Variants in CNTNAP2 observed in about 807,000 individuals in gnomAD.
CNTNAP2 encodes the protein contactin associated protein 2.
Under a neutral mutation model 155.2 loss-of-function variants are expected in CNTNAP2, and 98 were observed. The ratio of observed to expected loss-of-function variants is 0.63; its 90% CI spans 0.54 to 0.75. The LOEUF is 0.75. Ranked by LOEUF, CNTNAP2 falls within the 30% of genes least tolerant of loss-of-function variation. The pLI, the probability that CNTNAP2 is intolerant of heterozygous loss-of-function variation, is 0.00. For missense variants in CNTNAP2, 1,727 were observed against 1,688.1 expected (o/e 1.02, Z -0.40); for synonymous variants, 651 against 631.2 (o/e 1.03, Z -0.47).
chr7:147,838,970 AC>A (rs1356709763), intron 13 of CNTNAP2, among the ~76,000 whole-genome samples: 1 of 152,180 alleles, frequency 6.6e-6, no homozygotes, highest in Non-Finnish European at 1.5e-5. Flanking sequence ...GTATTGACTC[AC>A]ATGATCATAA....
In CNTNAP2 at chr7:146,597,849, A is replaced by T. The variant is rs192927941; in HGVS notation, c.98-176422A>T. On this transcript the variant is annotated intron_variant, in intron 1 of 23. Coordinates refer to ENST00000361727, the MANE Select transcript of CNTNAP2 (RefSeq NM_014141.6). ...ATTAAACTATGAAATAGCATCTCAC[A>T]AAATTGCTAAAATTATAACAATCAG... Among the ~76,000 whole-genome samples, 41 of 152,286 alleles carry T rather than the reference A, an allele frequency of 2.7e-4. No individual in the cohort carries two copies. In the East Asian group the frequency reaches 5.8e-3, roughly 21 times the overall value.
chr7:146,451,694 GGACAA>G (rs1284718138), intron 1 of CNTNAP2, among the ~76,000 whole-genome samples: 1 of 151,128 alleles, frequency 6.6e-6, no homozygotes, highest in Non-Finnish European at 1.5e-5. Flanking sequence ...ATATTCTACT[GGACAA>G]GTTTTCAAAC....
rs568160252 is a variant in CNTNAP2, at chr7:147,853,039, C to T, written c.2099-50526C>T. ...ATTTAAATTCTCCAGGAAGAAAGGG[C>T]TTGTCAATAAAGTGTCTTTTTAAGT... On this transcript the variant is annotated intron_variant, in intron 13 of 23. Transcript: ENST00000361727. Among the ~76,000 whole-genome samples the T allele has an allele frequency of 5.3e-5, 8 of 152,288 alleles. No homozygotes were observed. The South Asian group carries it at 1.5e-3, about 28-fold the overall frequency.
chr7:147,556,533 A>G (rs991272711), intron 11 of CNTNAP2, among the ~76,000 whole-genome samples: 2 of 152,172 alleles, frequency 1.3e-5, no homozygotes, highest in East Asian at 3.9e-4. Flanking sequence ...TAAAATAGTC[A>G]GAGAAAGAGA....
At chr7:147,155,585 A>G (rs903898) in intron 8 of CNTNAP2, among the ~76,000 whole-genome samples, 23 of 152,052 alleles carry the variant, frequency 1.5e-4, no homozygotes, top group South Asian at 6.2e-4. Context: ...TTTAATGCCC[A>G]ATATAAATGG....
intron 11 of CNTNAP2, among the ~76,000 whole-genome samples, chr7:147,486,889 C>CCGTGTGTGTGTGTGTGTGTGTGTG (rs71527815): frequency 6.1e-5 from 9 of 146,842 alleles, no homozygotes; most frequent in Non-Finnish European, 1.2e-4. Context: ...ACGTATGTGC[C>CCGTGTGTGTGTGTGTGTGTGTGTG]TGTGTGTGTG....
At chr7:148,387,726 C>A (rs2116668985) in intron 22 of CNTNAP2, among the ~76,000 whole-genome samples, 1 of 148,616 alleles carries the variant, frequency 6.7e-6, no homozygotes, top group African/African-American at 2.4e-5. Context: ...TTAAAACTAC[C>A]TGGGGAGCTT....
rs139452855 is a variant in CNTNAP2 at position 147,644,679 on chromosome 7, G to A, written c.2098+5373G>A. Among the ~76,000 whole-genome samples, 14 of 152,168 alleles carry A rather than the reference G, an allele frequency of 9.2e-5. 1 individual carries two copies. The East Asian group carries it at 2.5e-3, about 27-fold the overall frequency. ...ATTAGATAAATCAAGCACTGAGGGAGTTCCCTTAGAGCCTACTTGAGTAGT... is the reference window on the plus strand; with the variant it reads ...ATTAGATAAATCAAGCACTGAGGGAATTCCCTTAGAGCCTACTTGAGTAGT... On this transcript the variant is annotated intron_variant, in intron 13 of 23. Transcript: ENST00000361727.
intron 16 of CNTNAP2, among the ~76,000 whole-genome samples, chr7:148,124,210 C>T (rs1404851624): frequency 1.3e-5 from 2 of 152,258 alleles, no homozygotes; most frequent in African/African-American, 2.4e-5. Context: ...AAGAGAACAG[C>T]GTAAACCGCC....
intron 9 of CNTNAP2, among the ~76,000 whole-genome samples, chr7:147,305,882 T>C (rs1347222805): frequency 6.6e-6 from 1 of 152,190 alleles, no homozygotes; most frequent in East Asian, 1.9e-4. Context: ...TCAACTCCTC[T>C]GGCTTCTGGT....
At chr7:147,824,576 G>T (rs1798416418) in intron 13 of CNTNAP2, among the ~76,000 whole-genome samples, 1 of 152,042 alleles carries the variant, frequency 6.6e-6, no homozygotes, top group Non-Finnish European at 1.5e-5. Context: ...TCGCCAATAT[G>T]AGTATCAAAA....
intron 13 of CNTNAP2, among the ~76,000 whole-genome samples, chr7:147,641,561 T>C (rs553277937): frequency 4.6e-5 from 7 of 152,226 alleles, no homozygotes; most frequent in Middle Eastern, 3.2e-3. Flanking sequence ...GACTGAATTA[T>C]GTTCCCCCAA....
At chr7:148,412,334 A>T (rs986582) in intron 23 of CNTNAP2, among the ~76,000 whole-genome samples, 89,023 of 152,232 alleles carry the variant, frequency 0.58, 26,748 homozygotes, top group African/African-American at 0.67. Flanking sequence ...CAGCACTTTG[A>T]GAGGCCAAGA....
At chr7:147,995,229 C>G (rs1362874739) in intron 15 of CNTNAP2, among the ~76,000 whole-genome samples, 3 of 152,190 alleles carry the variant, frequency 2.0e-5, no homozygotes. Flanking sequence ...TTAGCACAAA[C>G]CACATTGTTT....
intron 19 of CNTNAP2, among the ~76,000 whole-genome samples, chr7:148,219,570 A>C (rs534881547): frequency 3.3e-5 from 5 of 152,154 alleles, no homozygotes; most frequent in African/African-American, 1.2e-4. Flanking sequence ...GAAGGTGCAC[A>C]CTTGTGGTCT....
chr7:148,205,365 T>A (rs1344150109), intron 18 of CNTNAP2, among the ~76,000 whole-genome samples: 1 of 152,256 alleles, frequency 6.6e-6, no homozygotes, highest in African/African-American at 2.4e-5. Flanking sequence ...AGCAGTCTCC[T>A]CGCAGCAAAC....
chr7:147,523,075 T>C (rs1799258501), intron 11 of CNTNAP2, among the ~76,000 whole-genome samples: 1 of 152,186 alleles, frequency 6.6e-6, no homozygotes, highest in African/African-American at 2.4e-5. Context: ...GCCTGTGGCC[T>C]GGGTCTCTCA....
At chr7:147,686,958 G>A (rs539640064) in intron 13 of CNTNAP2, among the ~76,000 whole-genome samples, 1 of 151,990 alleles carries the variant, frequency 6.6e-6, no homozygotes, top group South Asian at 2.1e-4. Flanking sequence ...AGCTCAGAAG[G>A]GTGACTACAG....
intron 1 of CNTNAP2, among the ~76,000 whole-genome samples, chr7:146,622,599 AC>A (rs892078436): frequency 3.3e-5 from 5 of 152,158 alleles, no homozygotes; most frequent in African/African-American, 1.2e-4. Context: ...ATAATCAATT[AC>A]CATGTCAATC....
Sources: gnomAD v4.1 joint callset for allele counts (sites outside exome capture counted in the v4.1 genomes callset) on GRCh38, gnomAD v4.1.1 for gene constraint, MANE v1.5 for transcripts, NCBI Gene and HGNC (gene_info 2026-07-23, HGNC 2026-07-21) for gene names.